MCHR2: variants seen among roughly 807,000 people sequenced by gnomAD.
The protein encoded by MCHR2 is melanin-concentrating hormone receptor 2.
Under a neutral mutation model 24.8 loss-of-function variants are expected in MCHR2, and 15 were observed. The ratio of observed to expected loss-of-function variants is 0.60; its 90% CI spans 0.40 to 0.93. The LOEUF (loss-of-function observed/expected upper bound fraction) is 0.93, where lower values mean the gene tolerates loss of function less well. MCHR2 is among the 40% of genes least tolerant of loss of function. The pLI, the probability that MCHR2 is intolerant of heterozygous loss-of-function variation, is 0.00. For missense variants in MCHR2, 386 were observed against 408.7 expected (o/e 0.94, Z 0.48); for synonymous variants, 151 against 147.6 (o/e 1.02, Z -0.17).
intron 1 of MCHR2, among the ~76,000 whole-genome samples, chr6:99,972,867 T>C (rs947879771): frequency 1.9e-4 from 29 of 152,154 alleles, no homozygotes; most frequent in African/African-American, 5.1e-4. Context: ...TGTAGTTGAG[T>C]GGTTTTGAGT....
intron 4 of MCHR2, among the ~76,000 whole-genome samples, chr6:99,938,764 G>C (rs1274965751): frequency 6.6e-6 from 1 of 152,062 alleles, no homozygotes; most frequent in African/African-American, 2.4e-5. Flanking sequence ...TGGATGATCT[G>C]TCGATAACAG....
intron 5 of MCHR2, among the ~76,000 whole-genome samples, chr6:99,924,614 T>G (rs1209236034): frequency 6.6e-6 from 1 of 152,140 alleles, no homozygotes; most frequent in African/African-American, 2.4e-5. Flanking sequence ...CCATTATCAT[T>G]TGTTTCAAGA....
intron 1 of MCHR2, among the ~76,000 whole-genome samples, chr6:99,975,021 GGGACCC>G (rs1255989672): frequency 2.0e-5 from 3 of 152,212 alleles, no homozygotes; most frequent in Non-Finnish European, 2.9e-5. Flanking sequence ...TCGGCGGTCA[GGGACCC>G]ACTTGAGGAG....
intron 1 of MCHR2, among the ~76,000 whole-genome samples, chr6:99,957,395 T>A (rs1775085005): frequency 6.6e-6 from 1 of 152,078 alleles, no homozygotes; most frequent in African/African-American, 2.4e-5. Context: ...GATGTGATTT[T>A]AAAAAAATGT....
At chr6:99,942,886 C>A (rs1291748283) in intron 4 of MCHR2, 63 bp downstream of exon 4, 1 of 1,406,794 alleles carries the variant, frequency 7.1e-7, no homozygotes, top group Non-Finnish European at 9.8e-7. Flanking sequence ...CACATGTTGA[C>A]AAGGAGAATG....
chr6:99,934,546 G>A (rs202219947), intron 4 of MCHR2, 29 bp from the exon 5 acceptor site: 2 of 1,481,406 alleles, frequency 1.4e-6, no homozygotes, highest in Middle Eastern at 1.8e-4. Flanking sequence ...AAGAGAGAGA[G>A]AGAAAGAACA....
intron 1 of MCHR2, among the ~76,000 whole-genome samples, chr6:99,973,129 T>A (rs1582404079): frequency 1.3e-5 from 2 of 152,014 alleles, no homozygotes; most frequent in East Asian, 3.9e-4. Context: ...GTTGACTTTC[T>A]GTCTCGTTGA....
chr6:99,942,122 C>T (rs191041730), intron 4 of MCHR2, among the ~76,000 whole-genome samples: 30 of 152,224 alleles, frequency 2.0e-4, no homozygotes, highest in East Asian at 1.4e-3. Flanking sequence ...ATGTATAAAA[C>T]GGCTATGGTA....
At chr6:99,980,518 T>C (rs555834787) in intron 1 of MCHR2, among the ~76,000 whole-genome samples, 37 of 151,734 alleles carry the variant, frequency 2.4e-4, no homozygotes, top group African/African-American at 8.7e-4. Context: ...GTCAATGGGA[T>C]GGACTTGAGA....
intron 2 of MCHR2, among the ~76,000 whole-genome samples, chr6:99,950,656 G>T (rs1385399818): frequency 6.6e-6 from 1 of 152,062 alleles, no homozygotes; most frequent in African/African-American, 2.4e-5. Flanking sequence ...AATGTGTATA[G>T]CATGACTCTA....
Position 99,920,775 on chromosome 6 carries a change from A to G in MCHR2, c.*165T>C, listed in dbSNP as rs201549597. Reference sequence around the variant, plus strand: ...CATTTTACATCTTGCTAAAGTTAGCATATTAAGCTCATTGTATTTGCATGG... The same window carrying G: ...CATTTTACATCTTGCTAAAGTTAGCGTATTAAGCTCATTGTATTTGCATGG... On this transcript the variant is annotated 3_prime_UTR_variant, in exon 6 of 6. Transcript: ENST00000281806. 4.4e-6 allele frequency: 3 copies of G among 676,064 alleles called. No homozygotes were observed. The highest frequency in any genetic ancestry group is 7.5e-6 in the Non-Finnish European group (3 of 398,356). 41.9% of individuals were successfully genotyped at this position (676,064 alleles called of 1,614,324 possible).
At chr6:99,934,056 C>G (rs1030973599) in intron 5 of MCHR2, among the ~76,000 whole-genome samples, 1 of 151,950 alleles carries the variant, frequency 6.6e-6, no homozygotes, top group Non-Finnish European at 1.5e-5. Context: ...CACATAACAT[C>G]TAAGATATTT....
chr6:99,943,531 T>A (rs893343343), intron 3 of MCHR2, among the ~76,000 whole-genome samples: 3 of 151,336 alleles, frequency 2.0e-5, no homozygotes, highest in Admixed American at 1.3e-4. Context: ...TTCCCCTTCC[T>A]GTGTCCATGT....
intron 3 of MCHR2, 60 bp downstream of exon 3, chr6:99,947,702 G>A (rs1158120522): frequency 1.9e-6 from 3 of 1,544,988 alleles, no homozygotes; most frequent in African/African-American, 1.4e-5. Flanking sequence ...ATTGGAATGA[G>A]CTTGGGGAAG....
chr6:99,989,983 T>C (rs1216091315), intron 1 of MCHR2, among the ~76,000 whole-genome samples: 1 of 152,196 alleles, frequency 6.6e-6, no homozygotes, highest in Non-Finnish European at 1.5e-5. Flanking sequence ...AGTAGCAATA[T>C]ATAATCTTTT....
chr6:99,984,649 A>C (rs1231309085), intron 1 of MCHR2, among the ~76,000 whole-genome samples: 1 of 152,084 alleles, frequency 6.6e-6, no homozygotes, highest in Non-Finnish European at 1.5e-5. Flanking sequence ...AAAAAACCTC[A>C]AAAAACTAGG....
Position 99,919,067 on chromosome 6 carries a change from G to T in MCHR2, c.*1873C>A, listed in dbSNP as rs1188293902. On this transcript the variant is annotated 3_prime_UTR_variant, in exon 6 of 6. Coordinates refer to ENST00000281806, the MANE Select transcript of MCHR2 (RefSeq NM_001040179.2). Reference sequence around the variant, plus strand: ...TTCAGAAGTCAATATTATTCACTGAGCCCGGACTGTTGCATCTTAGAAAAG... The same window carrying T: ...TTCAGAAGTCAATATTATTCACTGATCCCGGACTGTTGCATCTTAGAAAAG... Among the ~76,000 whole-genome samples the T allele has an allele frequency of 6.6e-6, 1 of 152,156 alleles. No homozygotes were observed. Among genetic ancestry groups the T allele is most frequent in the Non-Finnish European group, 1.5e-5 (1 of 68,024 alleles).
intron 4 of MCHR2, among the ~76,000 whole-genome samples, chr6:99,939,167 C>A (rs1287178730): frequency 3.9e-5 from 6 of 151,904 alleles, no homozygotes; most frequent in South Asian, 2.1e-4. Flanking sequence ...AAAATTGAGA[C>A]CCTTTACATT....
At chr6:99,928,330 A>G (rs1466338665) in intron 5 of MCHR2, among the ~76,000 whole-genome samples, 2 of 151,368 alleles carry the variant, frequency 1.3e-5, no homozygotes, top group Non-Finnish European at 2.9e-5. Flanking sequence ...CGGCTTTGGT[A>G]TCAGGATGAC....
Sources: allele counts gnomAD v4.1 joint callset (sites outside exome capture counted in the v4.1 genomes callset), GRCh38; gene constraint gnomAD v4.1.1; transcripts MANE v1.5; gene names NCBI Gene and HGNC (gene_info 2026-07-23, HGNC 2026-07-21).